Variants in ARHGAP27 observed in about 807,000 individuals in gnomAD.
ARHGAP27 encodes Rho GTPase activating protein 27, also known as rho GTPase-activating protein 27.
Under a neutral mutation model 102.0 loss-of-function variants are expected in ARHGAP27, and 53 were observed. The ratio of observed to expected loss-of-function variants is 0.52; its 90% CI spans 0.42 to 0.65. The LOEUF (loss-of-function observed/expected upper bound fraction) is 0.65, where lower values mean the gene tolerates loss of function less well. ARHGAP27 is among the 30% of genes least tolerant of loss of function. The probability of loss-of-function intolerance (pLI) is 0.00; values close to 1 mark genes in which losing one functional copy is unlikely to be tolerated. For missense variants in ARHGAP27, 1,117 were observed against 1,256.2 expected, an observed-to-expected ratio of 0.89 and a Z score of 1.68; for synonymous variants, 525 against 542.8, an observed-to-expected ratio of 0.97 and a Z score of 0.46.
intron 4 of ARHGAP27, among the ~76,000 whole-genome samples, chr17:45,428,173 A>G (rs1339784275): frequency 6.6e-6 from 1 of 152,206 alleles, no homozygotes; most frequent in African/African-American, 2.4e-5. Flanking sequence ...TCCCACCGTC[A>G]CTAGGACAGA....
intron 9 of ARHGAP27, 56 bp from the exon 10 acceptor site, chr17:45,404,152 G>A (rs1305032865): frequency 1.2e-6 from 2 of 1,609,256 alleles, no homozygotes; most frequent in Admixed American, 1.7e-5. Flanking sequence ...GGTGAGCTAT[G>A]GGGAGTAGAG....
intron 10 of ARHGAP27, 152 bp from the exon 11 acceptor site, chr17:45,403,861 C>T (rs139012171): frequency 1.6e-5 from 16 of 985,482 alleles, no homozygotes; most frequent in Admixed American, 1.3e-4. Context: ...ACCTAGCAGC[C>T]GAGGGACCTT....
chr17:45,398,902 A>G (rs1381568050), intron 12 of ARHGAP27, among the ~76,000 whole-genome samples: 3 of 152,144 alleles, frequency 2.0e-5, no homozygotes, highest in African/African-American at 7.2e-5. Flanking sequence ...AGGACTCAGA[A>G]ACGTTGTCCC....
chr17:45,396,649 C>G lies in ARHGAP27; in HGVS notation c.2074+19G>C. 3 of 1,613,074 alleles carry G rather than the reference C, an allele frequency of 1.9e-6. No individual in the cohort carries two copies. Among genetic ancestry groups the G allele is most frequent in the Non-Finnish European group, 2.5e-6 (3 of 1,179,326 alleles). On this transcript the variant is annotated intron_variant, in intron 15 of 19. Transcript: ENST00000685559. ...CCCGTCCCGGTCCCGGGTCCCCGCC[C>G]CCCGCAGGCCTCGGGTACCTTTGAT...
intron 4 of ARHGAP27, among the ~76,000 whole-genome samples, chr17:45,406,880 G>A (rs1180910151): frequency 6.6e-6 from 1 of 152,190 alleles, no homozygotes; most frequent in Non-Finnish European, 1.5e-5. Flanking sequence ...AAGTTTGCAG[G>A]TGTCAGAACC....
In ARHGAP27 at chr17:45,395,877, G is replaced by A. The variant is rs1187642727; in HGVS notation, c.2387-28C>T. 9 of 1,586,482 alleles carry A rather than the reference G, an allele frequency of 5.7e-6. No individual in the cohort carries two copies. In the African/African-American group the frequency reaches 8.1e-5, roughly 14 times the overall value. On this transcript the variant is annotated intron_variant, in intron 18 of 19. Coordinates refer to ENST00000685559, the MANE Select transcript of ARHGAP27 (RefSeq NM_001282290.2). ...GGGTGAGGGAAGGTTTAGAGGGAGG[G>A]AGTCGGAACGGGAGGTAGGGGGTAT...
At chr17:45,403,452 C>A (rs892907678) in intron 11 of ARHGAP27, among the ~76,000 whole-genome samples, 167 bp downstream of exon 11, 10 of 152,090 alleles carry the variant, frequency 6.6e-5, no homozygotes, top group African/African-American at 2.4e-4. Flanking sequence ...CCTAGCTACT[C>A]GAGAGGCTGA....
At chr17:45,431,983 G>A (rs1247263971) in intron 2 of ARHGAP27, among the ~76,000 whole-genome samples, 1 of 150,714 alleles carries the variant, frequency 6.6e-6, no homozygotes, top group Non-Finnish European at 1.5e-5. Flanking sequence ...GACCGCCCCC[G>A]CTCCGCCTTC....
chr17:45,395,660 G>T, intron 19 of ARHGAP27, 27 bp from the exon 20 acceptor site: 3 of 1,583,252 alleles, frequency 1.9e-6, no homozygotes, highest in Non-Finnish European at 2.6e-6. Flanking sequence ...TGGGTTCAGG[G>T]CTCCGAACTG....
intron 18 of ARHGAP27, 22 bp from the exon 19 acceptor site, chr17:45,395,871 G>A (rs1207481181): frequency 6.3e-7 from 1 of 1,591,934 alleles, no homozygotes; most frequent in Non-Finnish European, 8.6e-7. Context: ...AAGGTTTAGA[G>A]GGAGGGAGTC....
At chr17:45,401,216 G>A (rs1024352265) in intron 12 of ARHGAP27, among the ~76,000 whole-genome samples, 6 of 152,194 alleles carry the variant, frequency 3.9e-5, no homozygotes, top group East Asian at 1.9e-4. Flanking sequence ...GAACGCGCCT[G>A]TAGTCCTAGC....
Position 45,396,521 on chromosome 17 carries a change from G to T in ARHGAP27, c.2139C>A (p.Phe713Leu). ...CERERSRVPR[F>L]VQQCIRAVEA... ...CGACGGCGCGGATGCACTGCTGCAC[G>T]AAGCGTGGCACCCGGCTCCTCTCGC... The change falls in exon 16 of 20, where the codon TTC becomes TTA. Residue 713 changes from phenylalanine to leucine, a missense_variant. Physicochemically the swap from Phe to Leu is conservative, Grantham distance 22 (BLOSUM62 0). Transcript: ENST00000685559. The T allele has an allele frequency of 6.3e-7, 1 of 1,577,248 alleles. No homozygotes were observed.
chr17:45,406,002 G>C lies in ARHGAP27; in HGVS notation c.739C>G (p.Leu247Val), dbSNP rs2139889. 1 of 1,535,532 alleles carries C rather than the reference G, an allele frequency of 6.5e-7. No homozygotes were observed. The highest frequency in any genetic ancestry group is 1.2e-5 in the South Asian group (1 of 84,002). Residue 247 changes from leucine to valine, a missense_variant, in exon 5 of 20, where the codon CTT becomes GTT. Around this residue, in one of 3 missense-constraint regions of ARHGAP27, gnomAD observed 610 missense variants for 716.4 expected, o/e 0.85. Transcript: ENST00000685559. ...ATSPGAAAAP[L>V]PSPVWETHTD... ...TGCGTCTCCCACACCGGGCTGGGAA[G>C]GGGGGCTGCAGCGGCGCCCGGTGAA...
intron 4 of ARHGAP27, among the ~76,000 whole-genome samples, chr17:45,411,393 C>T (rs2047892456): frequency 6.6e-6 from 1 of 152,030 alleles, no homozygotes; most frequent in Admixed American, 6.6e-5. Flanking sequence ...CTCTGACCCC[C>T]ACCCTTCCAC....
chr17:45,405,828 A>C lies in ARHGAP27; in HGVS notation c.913T>G (p.Trp305Gly). The change falls in exon 5 of 20, where the codon TGG (tryptophan) becomes GGG (glycine). Residue 305 changes from tryptophan to glycine, a missense_variant. Physicochemically the swap from Trp to Gly is radical, Grantham distance 184. Around this residue, in one of 3 missense-constraint regions of ARHGAP27, gnomAD observed 610 missense variants for 716.4 expected, o/e 0.85. Coordinates refer to ENST00000685559, the MANE Select transcript of ARHGAP27 (RefSeq NM_001282290.2). ...VDSHVSLETE[W>G]GQYWDEESRR... ...CTCTCCTCATCCCAGTACTGGCCCCACTCGGTCTCAAGGCTCACGTGGCTG... is the reference window on the plus strand; with the variant it reads ...CTCTCCTCATCCCAGTACTGGCCCCCCTCGGTCTCAAGGCTCACGTGGCTG... The C allele has an allele frequency of 6.5e-7, 1 of 1,537,162 alleles. No individual in the cohort carries two copies.
Position 45,404,255 on chromosome 17 carries a change from G to C in ARHGAP27, c.1479+14C>G. 5.6e-6 allele frequency: 9 copies of C among 1,613,788 alleles called. No homozygotes were observed. Among genetic ancestry groups the C allele is most frequent in the Non-Finnish European group, 7.6e-6 (9 of 1,179,936 alleles). On this transcript the variant is annotated intron_variant, in intron 9 of 19. Transcript: ENST00000685559. The stretch of plus-strand genomic sequence containing the variant: ...AGCACCACCACCTGGCTGGGGGTAG[G>C]GGGTGATGCCTACCCTCACAGCAGC...
At chr17:45,398,799 A>C (rs576238378) in intron 12 of ARHGAP27, among the ~76,000 whole-genome samples, 145 of 152,154 alleles carry the variant, frequency 9.5e-4, no homozygotes, top group African/African-American at 3.4e-3. Flanking sequence ...ACTAGAAGCA[A>C]CAGTGAATAT....
Position 45,405,730 on chromosome 17 carries a change from C to A in ARHGAP27, c.1011G>T (p.Glu337Asp). 6.2e-7 allele frequency: 1 copy of A among 1,603,078 alleles called. No individual in the cohort carries two copies. Among genetic ancestry groups the A allele is most frequent in the Non-Finnish European group, 8.5e-7 (1 of 1,179,626 alleles). ...AWEDEAENEP[E>D]EELEMQPGLS... The stretch of plus-strand genomic sequence containing the variant: ...GGCCCGGCTGCATCTCCAACTCCTC[C>A]TCGGGCTCGTTCTCGGCCTCGTCCT... Residue 337 changes from glutamate (E) to aspartate (D), a missense_variant, in exon 5 of 20, where the codon GAG (glutamate) becomes GAT (aspartate). By Grantham distance (45) the Glu-to-Asp change is conservative. Coordinates refer to ENST00000685559, the MANE Select transcript of ARHGAP27 (RefSeq NM_001282290.2).
chr17:45,396,487 C>T lies in ARHGAP27; in HGVS notation c.2173G>A (p.Gly725Arg), dbSNP rs1296423975. 5 of 1,535,828 alleles carry T rather than the reference C, an allele frequency of 3.3e-6. No homozygotes were observed. Among genetic ancestry groups the T allele is most frequent in the Non-Finnish European group, 2.6e-6 (3 of 1,146,140 alleles). ...GCCCTCACCCCCGCAGCGCACGTACCGCGGGCCTCGACGGCGCGGATGCAC... is the reference window on the plus strand; with the variant it reads ...GCCCTCACCCCCGCAGCGCACGTACTGCGGGCCTCGACGGCGCGGATGCAC... ...QQCIRAVEAR[G>R]LDIDGLYRIS... The change falls in exon 16 of 20, where the codon GGG becomes AGG. Residue 725 changes from glycine to arginine, a missense_variant and splice_region_variant. Gly to Arg is a moderately radical substitution (Grantham distance 125). Around this residue, in one of 3 missense-constraint regions of ARHGAP27, gnomAD observed 493 missense variants for 505.5 expected, o/e 0.98. Transcript: ENST00000685559.
Sources: gnomAD v4.1 joint callset for allele counts (sites outside exome capture counted in the v4.1 genomes callset) on GRCh38, gnomAD v4.1.1 for gene constraint, gnomAD v4.1.1 regional missense constraint, MANE v1.5 for transcripts, NCBI Gene and HGNC (gene_info 2026-07-23, HGNC 2026-07-21) for gene names.